AUTS2: variants seen among roughly 807,000 people sequenced by gnomAD.
The protein encoded by AUTS2 is activator of transcription and developmental regulator AUTS2.
In AUTS2, 17 loss-of-function variants were observed where a neutral mutation model predicts 112.4. The ratio of observed to expected loss-of-function variants is 0.15; its 90% CI spans 0.10 to 0.23. The LOEUF is 0.23. AUTS2 is among the 10% of genes least tolerant of loss of function. The pLI is 1.00. For missense variants in AUTS2, 1,510 were observed against 1,701.6 expected (o/e 0.89, Z 1.98); for synonymous variants, 751 against 702.7 (o/e 1.07, Z -1.09).
chr7:70,281,971 G>A (rs1021492039), intron 4 of AUTS2, among the ~76,000 whole-genome samples: 2 of 152,138 alleles, frequency 1.3e-5, no homozygotes, highest in African/African-American at 4.8e-5. Context: ...TGATCAAAGA[G>A]CATAACATGC....
intron 1 of AUTS2, among the ~76,000 whole-genome samples, chr7:69,696,717 T>G (rs558558725): frequency 6.6e-6 from 1 of 152,194 alleles, no homozygotes; most frequent in Non-Finnish European, 1.5e-5. Flanking sequence ...CTTGTCACTT[T>G]GTGTAACATT....
intron 1 of AUTS2, among the ~76,000 whole-genome samples, chr7:69,835,501 C>T (rs1001163635): frequency 2.0e-5 from 3 of 152,060 alleles, no homozygotes; most frequent in East Asian, 1.9e-4. Flanking sequence ...AGGGAAAATA[C>T]GGAGATAAAT....
intron 6 of AUTS2, among the ~76,000 whole-genome samples, chr7:70,714,230 G>T (rs1810227282): frequency 6.6e-6 from 1 of 152,140 alleles, no homozygotes; most frequent in Non-Finnish European, 1.5e-5. Flanking sequence ...TATAGAAAAT[G>T]TAGAAATGAA....
intron 6 of AUTS2, among the ~76,000 whole-genome samples, chr7:70,708,077 G>A (rs1470978764): frequency 1.3e-5 from 2 of 152,166 alleles, no homozygotes; most frequent in Non-Finnish European, 2.9e-5. Flanking sequence ...GTGGGAGGCA[G>A]TTATATTTGG....
At chr7:70,492,246 A>G (rs958339766) in intron 5 of AUTS2, among the ~76,000 whole-genome samples, 6 of 152,140 alleles carry the variant, frequency 3.9e-5, no homozygotes, top group African/African-American at 1.2e-4. Context: ...CCAAGATTGT[A>G]TACTTAATGA....
intron 6 of AUTS2, among the ~76,000 whole-genome samples, chr7:70,700,937 A>G (rs752054786): frequency 1.3e-5 from 2 of 152,246 alleles, no homozygotes; most frequent in African/African-American, 2.4e-5. Context: ...GCCAAGAGCA[A>G]TAAAAAGCAT....
chr7:69,885,348 G>A (rs567558617), intron 1 of AUTS2, among the ~76,000 whole-genome samples: 2 of 152,182 alleles, frequency 1.3e-5, no homozygotes, highest in Admixed American at 1.3e-4. Context: ...AAATAAATCG[G>A]TGAAGGTTGT....
At chr7:69,781,721 G>A (rs2129314384) in intron 1 of AUTS2, among the ~76,000 whole-genome samples, 1 of 152,118 alleles carries the variant, frequency 6.6e-6, no homozygotes, top group Admixed American at 6.5e-5. Flanking sequence ...GCTGATTTTT[G>A]TTTGTTTGTT....
At chr7:70,483,994 G>T (rs868243035) in intron 5 of AUTS2, among the ~76,000 whole-genome samples, 1 of 152,148 alleles carries the variant, frequency 6.6e-6, no homozygotes. Flanking sequence ...AGGGGCAAAA[G>T]CTTGGGTATA....
intron 1 of AUTS2, among the ~76,000 whole-genome samples, chr7:69,632,909 T>C (rs1562773452): frequency 6.6e-6 from 1 of 152,162 alleles, no homozygotes; most frequent in Non-Finnish European, 1.5e-5. Context: ...ATAGGATGCA[T>C]AGAGATAGTA....
At chr7:70,154,353 A>G (rs1161422554) in intron 4 of AUTS2, among the ~76,000 whole-genome samples, 2 of 152,166 alleles carry the variant, frequency 1.3e-5, no homozygotes, top group Non-Finnish European at 2.9e-5. Context: ...TGTGGAAGGA[A>G]TTCAGTGAGG....
At chr7:70,108,900 C>T (rs372054743) in intron 2 of AUTS2, among the ~76,000 whole-genome samples, 2 of 151,766 alleles carry the variant, frequency 1.3e-5, no homozygotes, top group South Asian at 2.1e-4. Context: ...TTGTGAGCCA[C>T]CATGCCCGGC....
At chr7:70,054,143 T>C (rs1484844815) in intron 2 of AUTS2, among the ~76,000 whole-genome samples, 1 of 152,212 alleles carries the variant, frequency 6.6e-6, no homozygotes, top group African/African-American at 2.4e-5. Context: ...AGTGTGATCC[T>C]AAGGAACTGA....
intron 4 of AUTS2, among the ~76,000 whole-genome samples, chr7:70,279,793 A>G (rs575457879): frequency 3.1e-4 from 47 of 152,330 alleles, no homozygotes; most frequent in Admixed American, 2.2e-3. Flanking sequence ...TTCCAGCTCT[A>G]TCGTCTTTTG....
intron 4 of AUTS2, among the ~76,000 whole-genome samples, chr7:70,368,990 C>T (rs1011025234): frequency 6.6e-6 from 1 of 151,846 alleles, no homozygotes; most frequent in Non-Finnish European, 1.5e-5. Context: ...CATTAGGGCT[C>T]CATGCAGAAT....
intron 4 of AUTS2, among the ~76,000 whole-genome samples, chr7:70,282,680 G>T (rs897499719): frequency 6.6e-6 from 1 of 152,148 alleles, no homozygotes; most frequent in African/African-American, 2.4e-5. Context: ...TCAGACCACA[G>T]TCCCTGTGAA....
intron 5 of AUTS2, among the ~76,000 whole-genome samples, chr7:70,597,511 CTCAAAT>C (rs1392803966): frequency 6.6e-6 from 1 of 152,180 alleles, no homozygotes; most frequent in African/African-American, 2.4e-5. Context: ...ATCGAAGTTA[CTCAAAT>C]TCAAAGCAGA....
At chr7:70,222,248 A>G (rs1355441687) in intron 4 of AUTS2, among the ~76,000 whole-genome samples, 1 of 152,220 alleles carries the variant, frequency 6.6e-6, no homozygotes, top group Non-Finnish European at 1.5e-5. Flanking sequence ...AAACAATATT[A>G]TTTCTTACCT....
intron 4 of AUTS2, among the ~76,000 whole-genome samples, chr7:70,324,473 TTGAC>T (rs1790396114): frequency 6.6e-6 from 1 of 151,894 alleles, no homozygotes; most frequent in Non-Finnish European, 1.5e-5. Context: ...AATTTTAAAA[TTGAC>T]TGGGTGGGGT....
Sources: allele counts gnomAD v4.1 joint callset (sites outside exome capture counted in the v4.1 genomes callset), GRCh38; gene constraint gnomAD v4.1.1; transcripts MANE v1.5; gene names NCBI Gene and HGNC (gene_info 2026-07-23, HGNC 2026-07-21).